Variants in EPS8 observed in about 807,000 individuals in gnomAD.
The protein encoded by EPS8 is epidermal growth factor receptor kinase substrate 8.
EPS8 carries 42 observed loss-of-function variants against 103.8 expected under a neutral mutation model. That is an observed-to-expected ratio of 0.40 (90% CI 0.32 to 0.52). The LOEUF (loss-of-function observed/expected upper bound fraction) is 0.52, where lower values mean the gene tolerates loss of function less well. Among genes scored for constraint, EPS8 ranks in the 20% least tolerant of loss-of-function variants. The pLI is 0.40. For synonymous variants in EPS8, 344 were observed against 344.6 expected, an observed-to-expected ratio of 1.00 and a Z score of 0.02; for missense variants, 969 against 1,005.1, an observed-to-expected ratio of 0.96 and a Z score of 0.49.
At chr12:15,638,457 A>T (rs1430251385) in intron 17 of EPS8, among the ~76,000 whole-genome samples, 1 of 152,138 alleles carries the variant, frequency 6.6e-6, no homozygotes, top group Admixed American at 6.5e-5. Context: ...GATTGTTTTT[A>T]ATACATTTTC....
intron 18 of EPS8, among the ~76,000 whole-genome samples, chr12:15,630,481 C>A (rs1041160885): frequency 2.0e-5 from 3 of 152,052 alleles, no homozygotes; most frequent in African/African-American, 7.2e-5. Context: ...TAAGGATAAT[C>A]CAAAGTTGGT....
rs993737036 is a variant in EPS8 at position 15,780,363 on chromosome 12, C to T, written c.-22+8798G>A. 2.6e-5 allele frequency among the ~76,000 whole-genome samples: 4 copies of T among 151,944 alleles called. No individual in the cohort carries two copies. The highest frequency in any genetic ancestry group is 9.7e-5 in the African/African-American group (4 of 41,342). ...ATCTTTCTACCTGGAGAGAGATGAGCGTCTCGCTTTGCCTCAAAAATTCAT... is the reference window on the plus strand; with the variant it reads ...ATCTTTCTACCTGGAGAGAGATGAGTGTCTCGCTTTGCCTCAAAAATTCAT... On this transcript the variant is annotated intron_variant, in intron 1 of 20. Transcript: ENST00000281172. The surrounding 1 kb of genome is among the most constrained non-coding windows in gnomAD (Gnocchi z 4.1).
chr12:15,644,250 A>G (rs1267682626), intron 15 of EPS8, among the ~76,000 whole-genome samples: 1 of 152,158 alleles, frequency 6.6e-6, no homozygotes, highest in Non-Finnish European at 1.5e-5. Context: ...AGCTGTTTCT[A>G]TACCTCACGT....
chr12:15,666,489 T>C lies in EPS8; in HGVS notation c.550A>G (p.Ile184Val), dbSNP rs758015424. The C allele has an allele frequency of 1.9e-6, 3 of 1,613,966 alleles. 1 individual carries two copies. Among genetic ancestry groups the C allele is most frequent in the Non-Finnish European group, 2.5e-6 (3 of 1,179,852 alleles). The change falls in exon 7 of 21, where the codon ATC (isoleucine) becomes GTC (valine). Residue 184 changes from isoleucine (I) to valine (V), a missense_variant. Coordinates refer to ENST00000281172, the MANE Select transcript of EPS8 (RefSeq NM_004447.6). ...NLISEDIESAISDSKGGKQKR... is the reference protein window; with the variant it reads ...NLISEDIESAVSDSKGGKQKR... The stretch of plus-strand genomic sequence containing the variant: ...TGTTTCCCTCCTTTACTGTCACTGA[T>C]TGCACTTTCAATATCTTCACTAATT...
intron 1 of EPS8, among the ~76,000 whole-genome samples, chr12:15,723,499 T>C (rs149697679): frequency 8.3e-4 from 126 of 152,300 alleles, no homozygotes; most frequent in Middle Eastern, 3.4e-3. Flanking sequence ...GGATTTTTAA[T>C]TGTATATGTA....
chr12:15,765,554 G>GA (rs762169952), intron 1 of EPS8, among the ~76,000 whole-genome samples: 24 of 150,798 alleles, frequency 1.6e-4, no homozygotes, highest in African/African-American at 3.9e-4. Context: ...CTTTCAGTAA[G>GA]AAAAAAAAAT....
rs1345709923 is a variant in EPS8, at chr12:15,764,599, GA to G, written c.-22+24561del. Among the ~76,000 whole-genome samples the G allele has an allele frequency of 2.0e-5, 3 of 152,158 alleles. No homozygotes were observed. The highest frequency in any genetic ancestry group is 4.4e-5 in the Non-Finnish European group (3 of 68,034). On this transcript the variant is annotated intron_variant, in intron 1 of 20. Transcript: ENST00000281172. This position sits in a 1 kb window ranked among gnomAD's most constrained non-coding sequence, Gnocchi z 4.1. ...AAAGATTTTATTTTCAGGGCTTGAT[GA>G]AACTTCAACCAGATAAAGTAATGTC...
chr12:15,649,314 ATAAAG>A (rs1199283982), intron 14 of EPS8, among the ~76,000 whole-genome samples: 1 of 152,236 alleles, frequency 6.6e-6, no homozygotes, highest in East Asian at 1.9e-4. Flanking sequence ...GGCATACATT[ATAAAG>A]TGAGTATATT....
intron 1 of EPS8, among the ~76,000 whole-genome samples, chr12:15,686,049 G>C (rs1946090735): frequency 6.6e-6 from 1 of 152,016 alleles, no homozygotes; most frequent in Non-Finnish European, 1.5e-5. Context: ...TCCTGAACAA[G>C]AGGAGGGTGA....
chr12:15,683,136 T>A, intron 1 of EPS8, 164 bp from the exon 2 acceptor site: 1 of 435,948 alleles, frequency 2.3e-6, no homozygotes, highest in South Asian at 4.7e-5. Flanking sequence ...GAGGTATAGA[T>A]GAACATTTAA....
intron 8 of EPS8, among the ~76,000 whole-genome samples, chr12:15,663,001 A>C (rs1331458551): frequency 7.7e-4 from 2 of 2,610 alleles, no homozygotes; most frequent in Non-Finnish European, 1.2e-3. Context: ...CTTGCCAACA[A>C]AAAAAAAAAA....
rs1301825324 is a variant in EPS8 at position 15,734,476 on chromosome 12, C to T, written c.-21-51504G>A. Reference sequence around the variant, plus strand: ...TTGGGAGGCTGAGGCGGGTGGATCACGAGGTCAGGAGATCGAGACCATCCT... The same window carrying T: ...TTGGGAGGCTGAGGCGGGTGGATCATGAGGTCAGGAGATCGAGACCATCCT... On this transcript the variant is annotated intron_variant, in intron 1 of 20. Transcript: ENST00000281172. This position sits in a 1 kb window ranked among gnomAD's most constrained non-coding sequence, Gnocchi z 4.1. 1.3e-5 allele frequency among the ~76,000 whole-genome samples: 2 copies of T among 152,044 alleles called. No individual in the cohort carries two copies. The highest frequency in any genetic ancestry group is 2.9e-5 in the Non-Finnish European group (2 of 67,992).
chr12:15,719,000 T>G (rs1384470602), intron 1 of EPS8, among the ~76,000 whole-genome samples: 1 of 152,004 alleles, frequency 6.6e-6, no homozygotes, highest in Non-Finnish European at 1.5e-5. Flanking sequence ...CTATCTATAA[T>G]CATGTGCTAT....
intron 1 of EPS8, among the ~76,000 whole-genome samples, chr12:15,783,815 TC>T (rs1296469973): frequency 6.6e-6 from 1 of 152,076 alleles, no homozygotes; most frequent in East Asian, 1.9e-4. Context: ...GGTTTCTAAG[TC>T]ATTTCTCAAC....
chr12:15,736,036 C>T lies in EPS8; in HGVS notation c.-21-53064G>A, dbSNP rs1946763851. Among the ~76,000 whole-genome samples the T allele has an allele frequency of 6.6e-6, 1 of 152,074 alleles. No individual in the cohort carries two copies. Among genetic ancestry groups the T allele is most frequent in the Non-Finnish European group, 1.5e-5 (1 of 68,014 alleles). On this transcript the variant is annotated intron_variant, in intron 1 of 20. Coordinates refer to ENST00000281172, the MANE Select transcript of EPS8 (RefSeq NM_004447.6). This position sits in a 1 kb window ranked among gnomAD's most constrained non-coding sequence, Gnocchi z 4.2. ...AAGTAGCTAGGACTACAGGTGCGTA[C>T]CACCATACCCAGCTAATTTTTAAAT...
At chr12:15,766,696 A>T (rs1183496675) in intron 1 of EPS8, among the ~76,000 whole-genome samples, 1 of 151,802 alleles carries the variant, frequency 6.6e-6, no homozygotes, top group South Asian at 2.1e-4. Context: ...AAAAAAAAGG[A>T]AAGTTTTAAG....
chr12:15,632,392 TA>T (rs1364893202), intron 17 of EPS8, among the ~76,000 whole-genome samples: 6 of 152,208 alleles, frequency 3.9e-5, no homozygotes, highest in African/African-American at 1.4e-4. Flanking sequence ...GGCATACTTA[TA>T]AAACAGCATT....
At chr12:15,645,599 A>C (rs1945306980) in intron 15 of EPS8, among the ~76,000 whole-genome samples, 1 of 152,212 alleles carries the variant, frequency 6.6e-6, no homozygotes, top group Non-Finnish European at 1.5e-5. Flanking sequence ...AAAGATCATA[A>C]AAATCAAGGT....
chr12:15,624,165 G>A, intron 19 of EPS8, 62 bp downstream of exon 19: 1 of 1,359,676 alleles, frequency 7.4e-7, no homozygotes, highest in Non-Finnish European at 1.0e-6. Flanking sequence ...ATCTAACTAA[G>A]CAAATTGAAA....
Sources: gnomAD v4.1 joint callset for allele counts (sites outside exome capture counted in the v4.1 genomes callset) on GRCh38, gnomAD v4.1.1 for gene constraint, Gnocchi (gnomAD v3.1) non-coding constraint, MANE v1.5 for transcripts, NCBI Gene and HGNC (gene_info 2026-07-23, HGNC 2026-07-21) for gene names.